The following FPGS variants were observed in gnomAD, a reference collection of about 807,000 sequenced individuals.
FPGS encodes folylpolyglutamate synthase, mitochondrial.
Under a neutral mutation model 66.5 loss-of-function variants are expected in FPGS, and 53 were observed. That is an observed-to-expected ratio of 0.80 (90% CI 0.64 to 1.00). The LOEUF is 1.00. Ranked by LOEUF, FPGS falls within the 50% of genes least tolerant of loss-of-function variation. FPGS has a pLI of 0.00. For synonymous variants in FPGS, 348 were observed against 350.9 expected, an observed-to-expected ratio of 0.99 and a Z score of 0.09; for missense variants, 702 against 807.7, an observed-to-expected ratio of 0.87 and a Z score of 1.59.
chr9:127,812,594 C>T (rs920441243), intron 14 of FPGS, among the ~76,000 whole-genome samples: 2 of 152,146 alleles, frequency 1.3e-5, no homozygotes, highest in African/African-American at 2.4e-5. Flanking sequence ...CTCCACCTCC[C>T]GGGTTCAAGT....
At position 127,808,328 on chromosome 9, in the gene FPGS, T is replaced by G. The variant is rs759825513; in HGVS notation, c.822+17T>G. ...CAGATCTCAGTAAGTCTGATTGGAA[T>G]GGGGCAGCGGCAGGGTGGGTTTGTG... is the stretch of plus-strand genomic sequence containing the variant. On this transcript the variant is annotated intron_variant, in intron 9 of 14. Coordinates refer to ENST00000373247, the MANE Select transcript of FPGS (RefSeq NM_004957.6). The G allele has an allele frequency of 1.2e-6, 2 of 1,608,760 alleles. No homozygotes were observed. The highest frequency in any genetic ancestry group is 1.7e-6 in the Non-Finnish European group (2 of 1,175,204).
chr9:127,807,140 T>G lies in FPGS; in HGVS notation c.501+53T>G, dbSNP rs1378504758. 6.2e-7 allele frequency: 1 copy of G among 1,604,324 alleles called. No individual in the cohort carries two copies. Among genetic ancestry groups the G allele is most frequent in the South Asian group, 1.1e-5 (1 of 90,894 alleles). On this transcript the variant is annotated intron_variant, in intron 5 of 14. Transcript: ENST00000373247. The surrounding 1 kb of genome is among the most constrained non-coding windows in gnomAD (Gnocchi z 5.8). ...GGGTATGGTTGGGGGTGCTACGTGT[T>G]CCAGCACCCCATCTCCCCAGAGAAG...
chr9:127,804,890 ATT>A (rs771028462), intron 4 of FPGS, 190 bp downstream of exon 4: 2,597 of 474,406 alleles, frequency 5.5e-3, no homozygotes, highest in East Asian at 6.5e-3. Context: ...GCAACCTTTA[ATT>A]TTTTTTTTTT....
At chr9:127,806,723 A>G in intron 4 of FPGS, 3 of 528,996 alleles carry the variant, frequency 5.7e-6, no homozygotes, top group South Asian at 4.2e-5. Flanking sequence ...GTGCAAGACC[A>G]GCCTGGGTGA....
At position 127,809,735 on chromosome 9, in the gene FPGS, C is replaced by T; in HGVS notation, c.1112C>T (p.Pro371Leu). ...PGRTQVLRRG[P>L]LTWYLDGAHT... is the part of the protein sequence containing the mutation. Reference sequence around the variant, plus strand: ...CGGACGCAGGTGCTGCGGCGCGGGCCCCTCACCTGGTACCTGGACGGTGCG... The same window carrying T: ...CGGACGCAGGTGCTGCGGCGCGGGCTCCTCACCTGGTACCTGGACGGTGCG... The change falls in exon 12 of 15, where the codon CCC becomes CTC. Residue 371 changes from proline to leucine, a missense_variant. Pro to Leu is a moderately conservative substitution (Grantham distance 98, BLOSUM62 -3). Transcript: ENST00000373247. The T allele has an allele frequency of 6.3e-7, 1 of 1,587,074 alleles. No homozygotes were observed. The highest frequency in any genetic ancestry group is 8.5e-7 in the Non-Finnish European group (1 of 1,175,334).
rs1829884174 is a variant in FPGS, at chr9:127,807,904, GAGACC to G, written c.744+219_744+223del. 1 of 573,290 alleles carries G rather than the reference GAGACC, an allele frequency of 1.7e-6. No homozygotes were observed. Among genetic ancestry groups the G allele is most frequent in the Non-Finnish European group, 3.1e-6 (1 of 326,534 alleles). The allele number at this position is 573,290 out of a possible 1,614,324, so 35.5% of individuals were successfully genotyped here. On this transcript the variant is annotated intron_variant, in intron 8 of 14. Transcript: ENST00000373247. The surrounding 1 kb of genome is among the most constrained non-coding windows in gnomAD (Gnocchi z 5.8). ...GAGGATCACCTGAGATCCGGAGTTT[GAGACC>G]AGCCTGACCAATATGGGGAAACTCT...
In FPGS at chr9:127,807,067, C is replaced by T; in HGVS notation, c.481C>T (p.His161Tyr). The T allele has an allele frequency of 6.2e-7, 1 of 1,614,190 alleles. No individual in the cohort carries two copies. Among genetic ancestry groups the T allele is most frequent in the South Asian group, 1.1e-5 (1 of 91,090 alleles). The change falls in exon 5 of 15, where the codon CAC (histidine) becomes TAC (tyrosine). Residue 161 changes from histidine (H) to tyrosine (Y), a missense_variant. Coordinates refer to ENST00000373247, the MANE Select transcript of FPGS (RefSeq NM_004957.6). This position sits in a 1 kb window ranked among gnomAD's most constrained non-coding sequence, Gnocchi z 5.8. ...LFTKYFWRLY[H>Y]RLEETKDGSC... ...CACCAAGTACTTCTGGCGCCTCTAC[C>T]ACCGGCTGGAGGAGACCAAGGTGCC...
chr9:127,810,004 T>C (rs780994194), intron 12 of FPGS, 27 bp from the exon 13 acceptor site: 2 of 1,600,482 alleles, frequency 1.2e-6, no homozygotes, highest in South Asian at 2.2e-5. Context: ...CGGCGCCCTT[T>C]GACCCAGCTC....
At chr9:127,803,997 C>T (rs1340567093) in intron 1 of FPGS, among the ~76,000 whole-genome samples, 1 of 152,204 alleles carries the variant, frequency 6.6e-6, no homozygotes, top group African/African-American at 2.4e-5. Context: ...GGAGTGAAGT[C>T]GGGGGAGCCT....
At chr9:127,814,345 TGG>T, downstream of FPGS, 1 of 202,766 alleles carries the variant, frequency 4.9e-6, no homozygotes, top group Non-Finnish European at 8.7e-6. Flanking sequence ...GAACTGTGGC[TGG>T]TTTCAAGAAG....
At chr9:127,804,935 C>T in intron 4 of FPGS, 1 of 500,878 alleles carries the variant, frequency 2.0e-6, no homozygotes, top group Non-Finnish European at 3.6e-6. Context: ...ATCGCCCAGG[C>T]TGGAGTACAA....
In FPGS at chr9:127,809,730, C is replaced by G. The variant is rs773094059; in HGVS notation, c.1107C>G (p.Arg369=). The G allele has an allele frequency of 6.3e-7, 1 of 1,587,114 alleles. No homozygotes were observed. The highest frequency in any genetic ancestry group is 8.5e-7 in the Non-Finnish European group (1 of 1,175,104). The part of the protein sequence containing the change: ...EWPGRTQVLR[R]GPLTWYLDGA... ...CGGGCCGGACGCAGGTGCTGCGGCG[C>G]GGGCCCCTCACCTGGTACCTGGACG... Residue 369 remains arginine, a synonymous_variant, in exon 12 of 15, where the codon CGC becomes CGG. Coordinates refer to ENST00000373247, the MANE Select transcript of FPGS (RefSeq NM_004957.6).
At position 127,813,281 on chromosome 9, in the gene FPGS, C is replaced by A. The variant is rs955641282; in HGVS notation, c.1441C>A (p.Gln481Lys). ...QQHWNHLDEE[Q>K]ASPDLWSAPS... The stretch of plus-strand genomic sequence containing the variant: ...GCACTGGAACCACCTGGACGAAGAG[C>A]AGGCCAGCCCGGACCTCTGGAGTGC... Residue 481 changes from glutamine (Q) to lysine (K), a missense_variant, in exon 15 of 15, where the codon CAG becomes AAG. Gln to Lys is a moderately conservative substitution (Grantham distance 53). Coordinates refer to ENST00000373247, the MANE Select transcript of FPGS (RefSeq NM_004957.6). The A allele has an allele frequency of 3.1e-6, 5 of 1,613,038 alleles. No homozygotes were observed. Among genetic ancestry groups the A allele is most frequent in the Non-Finnish European group, 4.2e-6 (5 of 1,179,896 alleles).
intron 1 of FPGS, among the ~76,000 whole-genome samples, chr9:127,803,884 A>T (rs1020275201): frequency 1.3e-5 from 2 of 152,038 alleles, no homozygotes; most frequent in African/African-American, 4.8e-5. Context: ...GCTTCGGGGA[A>T]CTCCAGAATT....
At position 127,808,767 on chromosome 9, in the gene FPGS, T is replaced by C. The variant is rs1829935205; in HGVS notation, c.971-33T>C. Reference sequence around the variant, plus strand: ...CACCTGTGGAGCCTGCCTAGGAGGGTCCCGGACACACTTGGTCTCACACAC... The same window carrying C: ...CACCTGTGGAGCCTGCCTAGGAGGGCCCCGGACACACTTGGTCTCACACAC... On this transcript the variant is annotated intron_variant, in intron 10 of 14. Coordinates refer to ENST00000373247, the MANE Select transcript of FPGS (RefSeq NM_004957.6). 17 of 1,554,730 alleles carry C rather than the reference T, an allele frequency of 1.1e-5. No homozygotes were observed. The South Asian group carries it at 1.9e-4, about 17-fold the overall frequency.
Position 127,808,720 on chromosome 9 carries a change from G to A in FPGS, c.970+15G>A. 1 of 1,574,486 alleles carries A rather than the reference G, an allele frequency of 6.4e-7. No homozygotes were observed. The highest frequency in any genetic ancestry group is 1.2e-5 in the South Asian group (1 of 86,380). The stretch of plus-strand genomic sequence containing the variant: ...GGACCGCCATGGTGAGTGGGCAGCT[G>A]AGTGGGCAGGCAGGTGGGTGGCACC... On this transcript the variant is annotated intron_variant, in intron 10 of 14. Coordinates refer to ENST00000373247, the MANE Select transcript of FPGS (RefSeq NM_004957.6).
chr9:127,809,980 G>T lies in FPGS; in HGVS notation c.1212-51G>T, dbSNP rs368650463. ...CGTGGGCGGGGACGGGATTGGTACC[G>T]CAGGGAGAACGGGCGGCGCCCTTTG... On this transcript the variant is annotated intron_variant, in intron 12 of 14. Coordinates refer to ENST00000373247, the MANE Select transcript of FPGS (RefSeq NM_004957.6). The T allele has an allele frequency of 1.9e-6, 3 of 1,549,186 alleles. No homozygotes were observed. In the East Asian group the frequency reaches 7.1e-5, roughly 37 times the overall value.
At chr9:127,808,529 G>A in intron 9 of FPGS, 29 bp from the exon 10 acceptor site, 2 of 1,610,814 alleles carry the variant, frequency 1.2e-6, no homozygotes, top group Non-Finnish European at 1.7e-6. Context: ...GAGGGCCTCT[G>A]CTGACCCGCT....
chr9:127,809,600 G>C, intron 11 of FPGS, 84 bp from the exon 12 acceptor site: 2 of 1,365,178 alleles, frequency 1.5e-6, no homozygotes, highest in Non-Finnish European at 1.9e-6. Flanking sequence ...GCCTGCAGGG[G>C]AGAACGGGCT....
Sources: allele counts gnomAD v4.1 joint callset (sites outside exome capture counted in the v4.1 genomes callset), GRCh38; gene constraint gnomAD v4.1.1; non-coding constraint Gnocchi (gnomAD v3.1); transcripts MANE v1.5; gene names NCBI Gene and HGNC (gene_info 2026-07-23, HGNC 2026-07-21).